The following TXNDC8 variants were observed in gnomAD, a reference collection of about 807,000 sequenced individuals.
TXNDC8 encodes the protein thioredoxin domain containing 8, also known as thioredoxin domain-containing protein 8.
TXNDC8 carries 15 observed loss-of-function variants against 12.9 expected under a neutral mutation model. The ratio of observed to expected loss-of-function variants is 1.16; its 90% CI spans 0.78 to 1.79. The LOEUF is 1.79. TXNDC8 is among the 40% of genes most tolerant of loss of function. The pLI is 0.00. For missense variants in TXNDC8, 128 were observed against 113.2 expected, an observed-to-expected ratio of 1.13 and a Z score of -0.59; for synonymous variants, 40 against 35.4, an observed-to-expected ratio of 1.13 and a Z score of -0.46.
intron 3 of TXNDC8, among the ~76,000 whole-genome samples, chr9:110,312,911 T>C (rs572885968): frequency 6.6e-6 from 1 of 152,352 alleles, no homozygotes; most frequent in South Asian, 2.1e-4. Flanking sequence ...TTTTTTTAGT[T>C]GTTTTTGAGA....
chr9:110,305,607 TTTC>T (rs1838424721), intron 3 of TXNDC8, among the ~76,000 whole-genome samples: 1 of 142,300 alleles, frequency 7.0e-6, no homozygotes, highest in African/African-American at 2.6e-5. Flanking sequence ...TCTTTCTTTC[TTTC>T]TTTTTCTTCC....
intron 2 of TXNDC8, among the ~76,000 whole-genome samples, chr9:110,327,523 A>T (rs1839379214): frequency 6.6e-6 from 1 of 152,084 alleles, no homozygotes; most frequent in Non-Finnish European, 1.5e-5. Context: ...GGGGTTCGCC[A>T]CGTTGGCCAG....
intron 3 of TXNDC8, among the ~76,000 whole-genome samples, chr9:110,305,546 TTTTCTTTCTTTCTTTCTTTCTTTCTTTC>T (rs201277248): frequency 4.6e-4 from 53 of 115,504 alleles, no homozygotes; most frequent in Admixed American, 7.4e-4. Flanking sequence ...TGTATTTTCT[TTTTCTTTCTTTCTTTCTTTCTTTCTTTC>T]TTTCTTTCTT....
chr9:110,322,329 G>C, intron 3 of TXNDC8: 3 of 961,838 alleles, frequency 3.1e-6, no homozygotes, highest in Non-Finnish European at 3.7e-6. Flanking sequence ...GAATATGGAA[G>C]TGTAATCATC....
chr9:110,331,379 G>A (rs1033385259), intron 2 of TXNDC8, among the ~76,000 whole-genome samples: 6 of 152,086 alleles, frequency 3.9e-5, no homozygotes, highest in African/African-American at 1.4e-4. Flanking sequence ...ATGGCCTCCC[G>A]TTTCCCATGA....
At chr9:110,322,069 G>A (rs1839119498) in intron 3 of TXNDC8, among the ~76,000 whole-genome samples, 1 of 152,138 alleles carries the variant, frequency 6.6e-6, no homozygotes, top group African/African-American at 2.4e-5. Flanking sequence ...TTTTTCTGGA[G>A]GTTTTCAAAT....
downstream of TXNDC8, among the ~76,000 whole-genome samples, chr9:110,301,277 A>G (rs1838267455): frequency 6.6e-6 from 1 of 152,230 alleles, no homozygotes; most frequent in Non-Finnish European, 1.5e-5. Context: ...GTTGTTAAAC[A>G]TTTCTCAAAA....
intron 3 of TXNDC8, among the ~76,000 whole-genome samples, chr9:110,324,218 A>C (rs776526148): frequency 2.0e-5 from 3 of 152,248 alleles, no homozygotes; most frequent in Non-Finnish European, 2.9e-5. Flanking sequence ...AAGCATTCTC[A>C]CTTCCGAAAT....
intron 1 of TXNDC8, among the ~76,000 whole-genome samples, chr9:110,336,614 T>G (rs887043121): frequency 6.6e-6 from 1 of 152,152 alleles, no homozygotes; most frequent in Non-Finnish European, 1.5e-5. Flanking sequence ...CACAAACTGC[T>G]AGGATACCAC....
At chr9:110,319,776 C>A (rs913504227) in intron 3 of TXNDC8, among the ~76,000 whole-genome samples, 3 of 152,188 alleles carry the variant, frequency 2.0e-5, no homozygotes, top group Non-Finnish European at 4.4e-5. Context: ...GAGTGTGTGA[C>A]CCTTGCTTCC....
intron 3 of TXNDC8, among the ~76,000 whole-genome samples, chr9:110,314,188 T>C (rs1255028812): frequency 6.6e-6 from 1 of 152,174 alleles, no homozygotes; most frequent in Non-Finnish European, 1.5e-5. Flanking sequence ...ATTTGTCTTT[T>C]ATCTACCTAT....
chr9:110,306,918 A>G (rs889098349), intron 3 of TXNDC8, among the ~76,000 whole-genome samples: 10 of 151,876 alleles, frequency 6.6e-5, no homozygotes, highest in Non-Finnish European at 8.8e-5. Flanking sequence ...TGAAGACTAT[A>G]CCCGAAATTT....
intron 2 of TXNDC8, 113 bp downstream of exon 2, chr9:110,334,103 T>A (rs1839650641): frequency 1.3e-6 from 1 of 786,856 alleles, no homozygotes; most frequent in African/African-American, 1.8e-5. Context: ...GCTTCAAAAA[T>A]CTATGGCTCC....
intron 2 of TXNDC8, 79 bp downstream of exon 3, chr9:110,329,153 A>C: frequency 4.1e-6 from 5 of 1,212,982 alleles, no homozygotes; most frequent in Non-Finnish European, 6.0e-6. Context: ...GTCATGTATT[A>C]ATAATTACTG....
chr9:110,303,791 A>T, intron 4 of TXNDC8: 1 of 1,261,690 alleles, frequency 7.9e-7, no homozygotes, highest in Non-Finnish European at 1.1e-6. Context: ...TTTTGCTAAA[A>T]ACTTTGCCAG....
Position 110,303,631 on chromosome 9 carries a change from C to A in TXNDC8, c.*51G>T, listed in dbSNP as rs371299940. The A allele has an allele frequency of 1.4e-5, 22 of 1,583,418 alleles. No homozygotes were observed. The African/African-American group carries it at 1.9e-4, about 14-fold the overall frequency. ...GAAACATTTATTGATTCAAGTGCTGCGAAAATGTTGAGGCTTTAAGGAATT... is the reference window on the plus strand; with the variant it reads ...GAAACATTTATTGATTCAAGTGCTGAGAAAATGTTGAGGCTTTAAGGAATT... On this transcript the variant is annotated 3_prime_UTR_variant, in exon 5 of 5. Transcript: ENST00000423740.
At chr9:110,319,039 C>G (rs1232580771) in intron 3 of TXNDC8, among the ~76,000 whole-genome samples, 4 of 152,190 alleles carry the variant, frequency 2.6e-5, no homozygotes, top group Non-Finnish European at 2.9e-5. Flanking sequence ...AGTTACTACA[C>G]TTTGCCCACT....
At chr9:110,306,629 G>A (rs1028973239) in intron 3 of TXNDC8, among the ~76,000 whole-genome samples, 1 of 152,128 alleles carries the variant, frequency 6.6e-6, no homozygotes, top group Non-Finnish European at 1.5e-5. Context: ...CACACTTACT[G>A]TGAACAAAAC....
intron 3 of TXNDC8, chr9:110,322,614 C>CA: frequency 1.0e-6 from 1 of 985,436 alleles, no homozygotes. Context: ...GTTGAGAACT[C>CA]AGAGTCTTGT....
Sources: gnomAD v4.1 joint callset for allele counts (sites outside exome capture counted in the v4.1 genomes callset) on GRCh38, gnomAD v4.1.1 for gene constraint, MANE v1.5 for transcripts, NCBI Gene and HGNC (gene_info 2026-07-23, HGNC 2026-07-21) for gene names.